Variants in GSK3B observed in about 807,000 individuals in gnomAD.
GSK3B encodes glycogen synthase kinase 3 beta.
In GSK3B, 15 loss-of-function variants were observed where a neutral mutation model predicts 56.4. The ratio of observed to expected loss-of-function variants is 0.27; its 90% CI spans 0.18 to 0.41. The LOEUF is 0.41. Ranked by LOEUF, GSK3B falls within the 10% of genes least tolerant of loss-of-function variation. GSK3B has a pLI of 1.00. For synonymous variants in GSK3B, 181 were observed against 188.9 expected, an observed-to-expected ratio of 0.96 and a Z score of 0.34; for missense variants, 300 against 513.4, an observed-to-expected ratio of 0.58 and a Z score of 4.02.
chr3:119,926,905 T>C (rs569578353), intron 3 of GSK3B, among the ~76,000 whole-genome samples: 2 of 152,316 alleles, frequency 1.3e-5, no homozygotes, highest in South Asian at 4.1e-4. Context: ...TTACAACCCA[T>C]TCCTCCACCT....
intron 1 of GSK3B, among the ~76,000 whole-genome samples, chr3:120,092,468 T>C (rs1456614101): frequency 6.6e-6 from 1 of 152,226 alleles, no homozygotes; most frequent in Non-Finnish European, 1.5e-5. Flanking sequence ...TAACAGGTAA[T>C]GAATGCAGTA....
chr3:119,869,245 A>AAAAAAAC (rs1455323431), intron 8 of GSK3B, among the ~76,000 whole-genome samples: 140 of 149,498 alleles, frequency 9.4e-4, no homozygotes, highest in African/African-American at 3.3e-3. Flanking sequence ...AAAAAAAAAA[A>AAAAAAAC]ACATATATTC....
intron 1 of GSK3B, among the ~76,000 whole-genome samples, chr3:120,036,180 T>C (rs1024581913): frequency 5.9e-5 from 9 of 152,350 alleles, no homozygotes; most frequent in African/African-American, 1.9e-4. Flanking sequence ...GAATAGAATG[T>C]ACTTTTTAAC....
intron 9 of GSK3B, among the ~76,000 whole-genome samples, chr3:119,859,365 C>T (rs936120684): frequency 2.0e-5 from 3 of 151,928 alleles, no homozygotes; most frequent in Admixed American, 6.6e-5. Flanking sequence ...GATGCACTGA[C>T]CTTATTTATG....
intron 6 of GSK3B, among the ~76,000 whole-genome samples, chr3:119,908,394 T>C (rs989142261): frequency 6.6e-6 from 1 of 152,174 alleles, no homozygotes; most frequent in Non-Finnish European, 1.5e-5. Context: ...GGGCTGAAAT[T>C]TGCTCTTGGG....
chr3:120,042,541 A>G (rs1218664413), intron 1 of GSK3B, among the ~76,000 whole-genome samples: 1 of 152,358 alleles, frequency 6.6e-6, no homozygotes, highest in East Asian at 1.9e-4. Flanking sequence ...AATTAATCAG[A>G]GATGCCTCTA....
intron 1 of GSK3B, among the ~76,000 whole-genome samples, chr3:120,031,093 G>A (rs1318252212): frequency 6.6e-6 from 1 of 152,142 alleles, no homozygotes; most frequent in Non-Finnish European, 1.5e-5. Flanking sequence ...AAAATTCCAA[G>A]ATATCATACA....
chr3:119,940,364 G>A (rs1014885983), intron 3 of GSK3B, among the ~76,000 whole-genome samples: 2 of 152,020 alleles, frequency 1.3e-5, no homozygotes, highest in South Asian at 2.1e-4. Flanking sequence ...AGAAGGAACT[G>A]TTCTTGGCCT....
chr3:119,864,602 G>A (rs2056151932), intron 8 of GSK3B, among the ~76,000 whole-genome samples: 1 of 152,194 alleles, frequency 6.6e-6, no homozygotes, highest in Non-Finnish European at 1.5e-5. Flanking sequence ...TATAAATGGA[G>A]GGAAACGGAC....
At chr3:119,929,619 T>C (rs542394216) in intron 3 of GSK3B, among the ~76,000 whole-genome samples, 12 of 151,902 alleles carry the variant, frequency 7.9e-5, no homozygotes, top group South Asian at 4.2e-4. Context: ...AAACAAAAAA[T>C]TGGCCAGGCA....
intron 3 of GSK3B, among the ~76,000 whole-genome samples, chr3:119,925,146 T>C (rs1436242041): frequency 1.3e-5 from 2 of 152,068 alleles, no homozygotes; most frequent in East Asian, 1.9e-4. Flanking sequence ...CTGGGCAACA[T>C]GGCAAAACCC....
intron 6 of GSK3B, among the ~76,000 whole-genome samples, chr3:119,910,487 T>G (rs563897778): frequency 1.3e-5 from 2 of 151,996 alleles, no homozygotes; most frequent in Admixed American, 1.3e-4. Context: ...TAAAAAAAAA[T>G]GCTAATGATC....
intron 2 of GSK3B, among the ~76,000 whole-genome samples, chr3:119,978,004 A>G (rs868858680): frequency 1.3e-4 from 20 of 152,282 alleles, no homozygotes; most frequent in Middle Eastern, 6.8e-3. Context: ...TACCGTCCCC[A>G]TTTTACAGGC....
At chr3:120,039,625 T>C (rs147364893) in intron 1 of GSK3B, among the ~76,000 whole-genome samples, 232 of 152,350 alleles carry the variant, frequency 1.5e-3, no homozygotes, top group Middle Eastern at 3.4e-3. Context: ...CCCATCACTG[T>C]AACTCACCTT....
intron 1 of GSK3B, among the ~76,000 whole-genome samples, chr3:120,023,487 G>C (rs1035836893): frequency 1.3e-4 from 19 of 151,804 alleles, no homozygotes; most frequent in Non-Finnish European, 2.2e-4. Context: ...CAGAATATAA[G>C]GTTTTAATAC....
chr3:119,862,814 G>A (rs1038828067), intron 9 of GSK3B, among the ~76,000 whole-genome samples: 1 of 151,902 alleles, frequency 6.6e-6, no homozygotes. Context: ...CAGAAATAGT[G>A]AAGAAATAGT....
chr3:120,023,009 G>T (rs1007444994), intron 1 of GSK3B, among the ~76,000 whole-genome samples: 1 of 152,124 alleles, frequency 6.6e-6, no homozygotes. Flanking sequence ...CCTTGAAACA[G>T]AACTTTCATC....
intron 7 of GSK3B, among the ~76,000 whole-genome samples, chr3:119,878,506 G>A (rs2056340357): frequency 6.6e-6 from 1 of 152,164 alleles, no homozygotes; most frequent in South Asian, 2.1e-4. Flanking sequence ...ACCATTGATG[G>A]TGGAAATGTG....
At chr3:119,839,791 T>A (rs1559803088) in intron 10 of GSK3B, among the ~76,000 whole-genome samples, 1 of 152,234 alleles carries the variant, frequency 6.6e-6, no homozygotes, top group Non-Finnish European at 1.5e-5. Flanking sequence ...ATCATTTTGA[T>A]GTTATGTGCT....
Sources: gnomAD v4.1 joint callset for allele counts (sites outside exome capture counted in the v4.1 genomes callset) on GRCh38, gnomAD v4.1.1 for gene constraint, MANE v1.5 for transcripts, NCBI Gene and HGNC (gene_info 2026-07-23, HGNC 2026-07-21) for gene names.